CD247: variants seen among roughly 807,000 people sequenced by gnomAD.
The protein encoded by CD247 is CD247 molecule, also known as T-cell surface glycoprotein CD3 zeta chain.
Under a neutral mutation model 30.0 loss-of-function variants are expected in CD247, and 13 were observed. That is an observed-to-expected ratio of 0.43 (90% CI 0.28 to 0.69). The LOEUF is 0.69. CD247 is among the 30% of genes least tolerant of loss of function. The pLI is 0.16. For synonymous variants in CD247, 72 were observed against 80.0 expected, an observed-to-expected ratio of 0.90 and a Z score of 0.53; for missense variants, 193 against 212.6, an observed-to-expected ratio of 0.91 and a Z score of 0.57.
At chr1:167,433,930 TGAG>T (rs1651400921) in intron 6 of CD247, 87 bp downstream of exon 6, 1 of 1,169,120 alleles carries the variant, frequency 8.6e-7, no homozygotes, top group Admixed American at 1.7e-5. Flanking sequence ...GCAGCTGGGA[TGAG>T]AAGTGGATGG....
At chr1:167,509,315 G>A (rs1231171436) in intron 1 of CD247, among the ~76,000 whole-genome samples, 1 of 143,134 alleles carries the variant, frequency 7.0e-6, no homozygotes, top group African/African-American at 2.6e-5. Flanking sequence ...GGTGAGCCGA[G>A]ATCGCGCCAT....
chr1:167,502,859 G>A (rs1198323564), intron 1 of CD247, among the ~76,000 whole-genome samples: 2 of 152,136 alleles, frequency 1.3e-5, no homozygotes, highest in African/African-American at 4.8e-5. Context: ...CTGGGGAGAG[G>A]CTTGGGACAG....
intron 1 of CD247, among the ~76,000 whole-genome samples, chr1:167,488,284 A>G (rs921580934): frequency 6.6e-6 from 1 of 152,264 alleles, no homozygotes; most frequent in Non-Finnish European, 1.5e-5. Flanking sequence ...AAATAATTCA[A>G]TGATACCTGT....
intron 1 of CD247, among the ~76,000 whole-genome samples, chr1:167,454,034 T>C (rs1652505252): frequency 1.3e-5 from 2 of 152,188 alleles, no homozygotes; most frequent in African/African-American, 4.8e-5. Flanking sequence ...AAGCTGCATA[T>C]ATATGTATAT....
intron 6 of CD247, 80 bp downstream of exon 6, chr1:167,433,940 A>G: frequency 1.6e-6 from 2 of 1,252,846 alleles, no homozygotes; most frequent in African/African-American, 1.5e-5. Context: ...TGAGAAGTGG[A>G]TGGGAAAGGA....
At chr1:167,490,518 G>A (rs1263967906) in intron 1 of CD247, among the ~76,000 whole-genome samples, 1 of 152,168 alleles carries the variant, frequency 6.6e-6, no homozygotes, top group African/African-American at 2.4e-5. Context: ...AGCTACTCCG[G>A]AGGCTGAGGC....
chr1:167,436,050 C>T (rs550314842), intron 4 of CD247, among the ~76,000 whole-genome samples: 18 of 152,336 alleles, frequency 1.2e-4, no homozygotes, highest in Non-Finnish European at 2.1e-4. Context: ...TGGCCTTTGT[C>T]CTGAGCCCTG....
intron 1 of CD247, among the ~76,000 whole-genome samples, chr1:167,449,749 C>T (rs1652268071): frequency 6.6e-6 from 1 of 151,872 alleles, no homozygotes; most frequent in Non-Finnish European, 1.5e-5. Context: ...ATGGTGAAAC[C>T]CTCTCTCTAC....
At chr1:167,468,981 C>T (rs1401938627) in intron 1 of CD247, among the ~76,000 whole-genome samples, 2 of 151,916 alleles carry the variant, frequency 1.3e-5, no homozygotes, top group Non-Finnish European at 2.9e-5. Context: ...ACAGGAGTTC[C>T]TACCACTAAA....
At position 167,494,772 on chromosome 1, in the gene CD247, C is replaced by T. The variant is rs1354580004; in HGVS notation, c.58+23636G>A. ...AATGTTTATTAAAGAATGTGAAGGTCTCATCAAAAACCAAGCATGAGAGGC... is the reference window on the plus strand; with the variant it reads ...AATGTTTATTAAAGAATGTGAAGGTTTCATCAAAAACCAAGCATGAGAGGC... On this transcript the variant is annotated intron_variant, in intron 1 of 7. Coordinates refer to ENST00000362089, the MANE Select transcript of CD247 (RefSeq NM_198053.3). The surrounding 1 kb of genome is among the most constrained non-coding windows in gnomAD (Gnocchi z 7.3). Among the ~76,000 whole-genome samples the T allele has an allele frequency of 6.6e-6, 1 of 152,128 alleles. No individual in the cohort carries two copies. The highest frequency in any genetic ancestry group is 1.5e-5 in the Non-Finnish European group (1 of 68,024).
At position 167,493,037 on chromosome 1, in the gene CD247, C is replaced by CTTTTTTTTTTTTTT. The variant is rs60850667; in HGVS notation, c.58+25357_58+25370dup. On this transcript the variant is annotated intron_variant, in intron 1 of 7. Coordinates refer to ENST00000362089, the MANE Select transcript of CD247 (RefSeq NM_198053.3). ...TGCCCTATTTTCCCTAATTTTTCTC[C>CTTTTTTTTTTTTTT]TTTTTTTTTTTTTTTTTTTTTTTGA... 1.5e-4 allele frequency among the ~76,000 whole-genome samples: 12 copies of CTTTTTTTTTTTTTT among 80,366 alleles called. 1 individual carries two copies. The highest frequency in any genetic ancestry group is 1.8e-4 in the Non-Finnish European group (8 of 45,314). The allele number at this position is 80,366 out of a possible 152,430, so 52.7% of individuals were successfully genotyped here.
intron 1 of CD247, among the ~76,000 whole-genome samples, chr1:167,517,830 GA>G (rs370419537): frequency 3.9e-5 from 6 of 152,170 alleles, no homozygotes; most frequent in African/African-American, 1.4e-4. Flanking sequence ...AGGCGCTGTG[GA>G]GGCTGCCACC....
rs1258114594 is a variant in CD247, at chr1:167,445,490, A to G, written c.59-4723T>C. Among the ~76,000 whole-genome samples, 6 of 151,924 alleles carry G rather than the reference A, an allele frequency of 3.9e-5. 1 individual carries two copies. The East Asian group carries it at 1.2e-3, about 29-fold the overall frequency. On this transcript the variant is annotated intron_variant, in intron 1 of 7. Transcript: ENST00000362089. ...CGGGTCATTGTATCTAAGTGTTGTG[A>G]GTCTAATTAGTGACAGTGAGCCTCG...
chr1:167,452,626 C>T (rs1652407702), intron 1 of CD247, among the ~76,000 whole-genome samples: 1 of 152,020 alleles, frequency 6.6e-6, no homozygotes, highest in Non-Finnish European at 1.5e-5. Flanking sequence ...ATGTAGCCTC[C>T]CAGCCGAGCA....
At chr1:167,443,469 G>A (rs1301999682) in intron 1 of CD247, among the ~76,000 whole-genome samples, 1 of 152,210 alleles carries the variant, frequency 6.6e-6, no homozygotes, top group Non-Finnish European at 1.5e-5. Flanking sequence ...CAAAGCTGGG[G>A]TGACTTTTTG....
At chr1:167,453,726 G>A (rs1652485506) in intron 1 of CD247, among the ~76,000 whole-genome samples, 1 of 152,214 alleles carries the variant, frequency 6.6e-6, no homozygotes, top group African/African-American at 2.4e-5. Flanking sequence ...CTAGCACTTT[G>A]GGAGGCTGAA....
intron 1 of CD247, among the ~76,000 whole-genome samples, chr1:167,484,512 C>T (rs895838927): frequency 6.6e-6 from 1 of 152,250 alleles, no homozygotes; most frequent in Non-Finnish European, 1.5e-5. Context: ...CGCGGTGGCT[C>T]ACGCCTGTGA....
In CD247 at chr1:167,518,453, C is replaced by T. The variant is rs780567834; in HGVS notation, c.13G>A (p.Ala5Thr). 1 of 1,614,162 alleles carries T rather than the reference C, an allele frequency of 6.2e-7. No individual in the cohort carries two copies. Among genetic ancestry groups the T allele is most frequent in the Admixed American group, 1.7e-5 (1 of 60,032 alleles). ...TGCAGGATGGCCGCGGTGAAAAGCG[C>T]CTTCCACTTCATCTTGTCCTTTCCC... Reference protein sequence around the residue: MKWKALFTAAILQAQ... With the variant: MKWKTLFTAAILQAQ... Residue 5 changes from alanine to threonine, a missense_variant, in exon 1 of 8, where the codon GCG (alanine) becomes ACG (threonine). Ala to Thr is a moderately conservative substitution (Grantham distance 58, BLOSUM62 0). Transcript: ENST00000362089.
chr1:167,435,585 G>A, intron 4 of CD247, 151 bp from the exon 5 acceptor site: 1 of 723,936 alleles, frequency 1.4e-6, no homozygotes, highest in Non-Finnish European at 2.5e-6. Flanking sequence ...CCTTGCCTAG[G>A]CCACTGTTGG....
Sources: gnomAD v4.1 joint callset for allele counts (sites outside exome capture counted in the v4.1 genomes callset) on GRCh38, gnomAD v4.1.1 for gene constraint, Gnocchi (gnomAD v3.1) non-coding constraint, MANE v1.5 for transcripts, NCBI Gene and HGNC (gene_info 2026-07-23, HGNC 2026-07-21) for gene names.